The following NOX1 variants were observed in gnomAD, a reference collection of about 807,000 sequenced individuals.
NOX1 encodes NADH/NADPH mitogenic oxidase subunit P65-MOX.
Under a neutral mutation model 42.5 loss-of-function variants are expected in NOX1, and 34 were observed. That is an observed-to-expected ratio of 0.80 (90% CI 0.61 to 1.07). The LOEUF is 1.07. NOX1 is among the 50% of genes least tolerant of loss of function. NOX1 has a pLI of 0.00. For missense variants in NOX1, 408 were observed against 427.0 expected (o/e 0.96, Z 0.39); for synonymous variants, 143 against 152.5 (o/e 0.94, Z 0.46).
At chrX:100,873,481 G>C (rs1190537128) in intron 1 of NOX1, among the ~76,000 whole-genome samples, 1 of 110,389 alleles carries the variant, frequency 9.1e-6, no homozygotes, top group East Asian at 2.8e-4. Flanking sequence ...ATGTGCTGTG[G>C]GTATATATAC....
intron 8 of NOX1, 52 bp downstream of exon 8, chrX:100,851,181 T>C: frequency 2.6e-6 from 2 of 783,490 alleles, no homozygotes; most frequent in South Asian, 2.5e-5. Flanking sequence ...AGTTCTGTAG[T>C]CCGGTAGAAG....
At chrX:100,849,719 G>A (rs955160779) in intron 10 of NOX1, 53 bp downstream of exon 10, 74 of 1,108,419 alleles carry the variant, frequency 6.7e-5, no homozygotes, top group South Asian at 8.5e-5. Flanking sequence ...GCCCAAGAAG[G>A]CAATAGACTT....
chrX:100,871,479 A>C (rs973160187), intron 1 of NOX1, among the ~76,000 whole-genome samples: 6 of 112,772 alleles, frequency 5.3e-5, no homozygotes, highest in Non-Finnish European at 9.4e-5. Flanking sequence ...AAACCATTCC[A>C]GATGGGCCTG....
rs139846185 is a variant in NOX1 at position 100,862,392 on chromosome X, C to T, written c.671G>A (p.Gly224Asp). Residue 224 changes from glycine (G) to aspartate (D), a missense_variant and splice_region_variant, in exon 6 of 13, where the codon GGT (glycine) becomes GAT (aspartate). Coordinates refer to ENST00000372966, the MANE Select transcript of NOX1 (RefSeq NM_007052.5). ...GAGAATGAGGGTTCGAGGATCTTAC[C>T]CAATGCCGTGAATCCCTAAGCCAAG... is the stretch of plus-strand genomic sequence containing the variant. ...YILGLGIHGI[G>D]GIVRGQTEES... 6 of 1,208,748 alleles carry T rather than the reference C, an allele frequency of 5.0e-6. No homozygotes were observed. In the African/African-American group the frequency reaches 1.1e-4, roughly 21 times the overall value.
intron 12 of NOX1, among the ~76,000 whole-genome samples, chrX:100,845,037 C>G (rs888659482): frequency 9.0e-6 from 1 of 111,394 alleles, no homozygotes; most frequent in African/African-American, 3.3e-5. Flanking sequence ...TTCTCTCCCC[C>G]TCTTTTTTAA....
At chrX:100,861,807 T>G (rs920796862) in intron 7 of NOX1, among the ~76,000 whole-genome samples, 26 of 112,104 alleles carry the variant, frequency 2.3e-4, no homozygotes, top group Non-Finnish European at 2.6e-4. Context: ...GTTTCAAAAT[T>G]TAGACAAAAA....
intron 7 of NOX1, among the ~76,000 whole-genome samples, chrX:100,857,419 G>T (rs2085174633): frequency 8.9e-6 from 1 of 111,747 alleles, no homozygotes; most frequent in African/African-American, 3.3e-5. Context: ...TAGGTCAAAC[G>T]GTAATCTGTT....
At position 100,873,787 on chromosome X, in the gene NOX1, T is replaced by A. The variant is rs189417242; in HGVS notation, c.45+308A>T. On this transcript the variant is annotated intron_variant, in intron 1 of 12. Transcript: ENST00000372966. ...TTTTGAAATCTTGATGGGACCAGTA[T>A]AGGAAAGATAGAGAGAAATCAGCAC... is the stretch of plus-strand genomic sequence containing the variant. Among the ~76,000 whole-genome samples the A allele has an allele frequency of 1.2e-3, 137 of 111,655 alleles. 1 individual carries two copies. The highest frequency in any genetic ancestry group is 4.3e-3 in the African/African-American group (132 of 30,746).
chrX:100,853,270 C>T (rs1285045030), intron 7 of NOX1, among the ~76,000 whole-genome samples: 1 of 39,961 alleles, frequency 2.5e-5, no homozygotes. Context: ...TCCTTTCTTT[C>T]TTTCTTTCTT....
At chrX:100,855,729 C>T in intron 7 of NOX1, 2 of 1,027,971 alleles carry the variant, frequency 1.9e-6, no homozygotes, top group South Asian at 1.9e-5. Context: ...ACCAAAGCCA[C>T]CATGACCACT....
At chrX:100,848,127 C>A (rs917049385) in intron 12 of NOX1, among the ~76,000 whole-genome samples, 3 of 111,640 alleles carry the variant, frequency 2.7e-5, no homozygotes, top group Non-Finnish European at 3.8e-5. Flanking sequence ...CTCTTTTCAT[C>A]ATTTTCAAGA....
At chrX:100,862,992 T>C (rs2085215760) in intron 4 of NOX1, among the ~76,000 whole-genome samples, 167 bp downstream of exon 4, 1 of 112,521 alleles carries the variant, frequency 8.9e-6, no homozygotes, top group Non-Finnish European at 1.9e-5. Flanking sequence ...ATTTACTCTG[T>C]TCCCAAAGGA....
At chrX:100,868,978 C>T (rs1460306042) in intron 2 of NOX1, among the ~76,000 whole-genome samples, 12 of 110,544 alleles carry the variant, frequency 1.1e-4, no homozygotes, top group Middle Eastern at 4.6e-3. Flanking sequence ...TGTAGATATG[C>T]GGCATTATTT....
At chrX:100,844,732 A>C (rs1226228866) in intron 12 of NOX1, among the ~76,000 whole-genome samples, 1 of 112,340 alleles carries the variant, frequency 8.9e-6, no homozygotes, top group Non-Finnish European at 1.9e-5. Flanking sequence ...AATGTCCGAC[A>C]AGGGAAAATT....
chrX:100,851,361 C>T, intron 7 of NOX1, 36 bp from the exon 8 acceptor site: 1 of 820,504 alleles, frequency 1.2e-6, no homozygotes, highest in Admixed American at 2.9e-5. Context: ...AGATTACACA[C>T]TAATTTCTTG....
Position 100,843,636 on chromosome X carries a change from T to C in NOX1, c.*316A>G, listed in dbSNP as rs1367166324. ...AATTGATAAAATCACCTGGGATTAG[T>C]TGTATAACTCTGAACCACCAAACCT... On this transcript the variant is annotated 3_prime_UTR_variant, in exon 13 of 13. Coordinates refer to ENST00000372966, the MANE Select transcript of NOX1 (RefSeq NM_007052.5). 2 of 469,313 alleles carry C rather than the reference T, an allele frequency of 4.3e-6. No individual in the cohort carries two copies. Among genetic ancestry groups the C allele is most frequent in the Non-Finnish European group, 6.6e-6 (2 of 301,927 alleles). The allele number at this position is 469,313 out of a possible 1,213,427, so 38.7% of individuals were successfully genotyped here.
intron 12 of NOX1, among the ~76,000 whole-genome samples, chrX:100,844,336 C>T (rs891242640): frequency 9.0e-6 from 1 of 111,720 alleles, no homozygotes; most frequent in Non-Finnish European, 1.9e-5. Context: ...TGGCTAAGTG[C>T]CAGACTGTGC....
Position 100,862,240 on chromosome X carries a change from C to T in NOX1, c.735G>A (p.Glu245=), listed in dbSNP as rs996992736. Residue 245 remains glutamate (E), a synonymous_variant, in exon 7 of 13, where the codon GAG becomes GAA. Coordinates refer to ENST00000372966, the MANE Select transcript of NOX1 (RefSeq NM_007052.5). The part of the protein sequence containing the change: ...MNESHPRKCA[E]SFEMWDDRDS... ...CACGATCATCCCACATCTCAAAAGA[C>T]TCTGCACACTTGCGAGGATGACTCT... 5 of 1,209,433 alleles carry T rather than the reference C, an allele frequency of 4.1e-6. No individual in the cohort carries two copies. The highest frequency in any genetic ancestry group is 4.5e-6 in the Non-Finnish European group (4 of 894,844).
intron 2 of NOX1, 131 bp downstream of exon 2, chrX:100,870,588 C>T (rs2085267962): frequency 2.0e-6 from 1 of 507,249 alleles, no homozygotes. Flanking sequence ...AACTCAAAGT[C>T]AGTTGGGCAT....
Sources: gnomAD v4.1 joint callset for allele counts (sites outside exome capture counted in the v4.1 genomes callset) on GRCh38, gnomAD v4.1.1 for gene constraint, MANE v1.5 for transcripts, NCBI Gene and HGNC (gene_info 2026-07-23, HGNC 2026-07-21) for gene names.